HCN1: variants seen among roughly 807,000 people sequenced by gnomAD.
HCN1 encodes hyperpolarization activated cyclic nucleotide gated potassium channel 1.
In HCN1, 13 loss-of-function variants were observed where a neutral mutation model predicts 78.9. The observed-to-expected ratio is 0.16, with a 90% CI of 0.11 to 0.26. The LOEUF is 0.26. Among genes scored for constraint, HCN1 ranks in the 10% least tolerant of loss-of-function variants. The pLI is 1.00. For missense variants in HCN1, 810 were observed against 1,154.3 expected (o/e 0.70, Z 4.32); for synonymous variants, 552 against 455.5 (o/e 1.21, Z -2.70).
At chr5:45,622,037 G>A (rs758200138) in intron 2 of HCN1, among the ~76,000 whole-genome samples, 12 of 151,930 alleles carry the variant, frequency 7.9e-5, no homozygotes, top group African/African-American at 2.4e-4. Context: ...TGGCTAACAC[G>A]GTGAAACCCC....
At chr5:45,288,020 T>C (rs1343518216) in intron 6 of HCN1, among the ~76,000 whole-genome samples, 2 of 151,998 alleles carry the variant, frequency 1.3e-5, no homozygotes, top group East Asian at 3.9e-4. Flanking sequence ...ATTATTCCAG[T>C]TTTACAGGTT....
At chr5:45,467,687 C>T (rs60195886) in intron 2 of HCN1, among the ~76,000 whole-genome samples, 88 of 152,198 alleles carry the variant, frequency 5.8e-4, no homozygotes, top group African/African-American at 1.9e-3. Context: ...TCTCTTTCTA[C>T]TTCCCCAAAG....
At chr5:45,522,607 T>C (rs1579947000) in intron 2 of HCN1, among the ~76,000 whole-genome samples, 1 of 151,978 alleles carries the variant, frequency 6.6e-6, no homozygotes, top group Non-Finnish European at 1.5e-5. Context: ...CTTTTCTTTT[T>C]TTTTTTTTGT....
intron 2 of HCN1, among the ~76,000 whole-genome samples, chr5:45,537,515 CTCTAAG>C (rs1225551546): frequency 1.6e-4 from 17 of 104,220 alleles, no homozygotes; most frequent in Admixed American, 8.1e-4. Context: ...TTTAAAGCAA[CTCTAAG>C]TCTTTTTTTT....
intron 2 of HCN1, among the ~76,000 whole-genome samples, chr5:45,622,192 G>A (rs1580003778): frequency 2.0e-5 from 3 of 151,896 alleles, no homozygotes; most frequent in East Asian, 3.9e-4. Flanking sequence ...GGCGACAGAG[G>A]GAGACTTCGT....
chr5:45,361,504 G>A (rs568870094), intron 4 of HCN1, among the ~76,000 whole-genome samples: 7 of 152,278 alleles, frequency 4.6e-5, no homozygotes, highest in African/African-American at 1.7e-4. Context: ...TAGAGATGGG[G>A]TTTCACCACA....
chr5:45,495,789 TA>T (rs1184453659), intron 2 of HCN1, among the ~76,000 whole-genome samples: 1 of 152,216 alleles, frequency 6.6e-6, no homozygotes, highest in East Asian at 1.9e-4. Context: ...ATACCTAATT[TA>T]TTGAGAGTTT....
intron 2 of HCN1, among the ~76,000 whole-genome samples, chr5:45,602,552 C>G (rs1744646146): frequency 6.6e-6 from 1 of 152,078 alleles, no homozygotes; most frequent in Admixed American, 6.6e-5. Flanking sequence ...TTCTTGTAGC[C>G]TAGTAAACTA....
intron 6 of HCN1, among the ~76,000 whole-genome samples, chr5:45,275,218 C>T (rs1398118887): frequency 6.6e-6 from 1 of 151,182 alleles, no homozygotes; most frequent in Non-Finnish European, 1.5e-5. Context: ...TGCACTACAG[C>T]CTCGGTGATG....
intron 2 of HCN1, among the ~76,000 whole-genome samples, chr5:45,489,804 A>G (rs1741842672): frequency 6.6e-6 from 1 of 152,198 alleles, no homozygotes; most frequent in Admixed American, 6.5e-5. Context: ...GGTACGAAGT[A>G]GTAGGCAATG....
intron 5 of HCN1, among the ~76,000 whole-genome samples, chr5:45,315,652 T>A (rs890870135): frequency 6.6e-6 from 1 of 151,246 alleles, no homozygotes; most frequent in South Asian, 2.1e-4. Context: ...ATCAAGAAAA[T>A]TGATAGAGCA....
intron 3 of HCN1, among the ~76,000 whole-genome samples, chr5:45,441,996 G>C (rs1740688556): frequency 1.3e-5 from 2 of 152,052 alleles, no homozygotes. Context: ...CTCATGCAAA[G>C]TCTTTATTTA....
chr5:45,307,931 CT>C (rs1232096035), intron 5 of HCN1, among the ~76,000 whole-genome samples: 5 of 151,994 alleles, frequency 3.3e-5, no homozygotes, highest in Non-Finnish European at 7.4e-5. Flanking sequence ...ATTTCTGAAA[CT>C]TTTTTGCTGA....
In HCN1 at chr5:45,313,546, G is replaced by T. The variant is rs189731504; in HGVS notation, c.1378-9707C>A. Among the ~76,000 whole-genome samples the T allele has an allele frequency of 5.3e-5, 8 of 152,288 alleles. No individual in the cohort carries two copies. In the East Asian group the frequency reaches 1.4e-3, roughly 26 times the overall value. On this transcript the variant is annotated intron_variant, in intron 5 of 7. Transcript: ENST00000303230. ...GACTTCGATGAGTTGAGAGAAGAAG[G>T]CTTCAGACGATAAAACTTCTCCAAG...
chr5:45,341,334 G>A (rs1200104383), intron 5 of HCN1, among the ~76,000 whole-genome samples: 1 of 152,186 alleles, frequency 6.6e-6, no homozygotes, highest in Non-Finnish European at 1.5e-5. Context: ...CATCACAATT[G>A]CTCAGCTTTC....
intron 5 of HCN1, among the ~76,000 whole-genome samples, chr5:45,344,448 T>A (rs1467706142): frequency 6.6e-6 from 1 of 152,034 alleles, no homozygotes; most frequent in East Asian, 1.9e-4. Context: ...AACTCAAAAG[T>A]CAACAGTGCA....
At chr5:45,472,565 A>C (rs2111654416) in intron 2 of HCN1, among the ~76,000 whole-genome samples, 1 of 135,748 alleles carries the variant, frequency 7.4e-6, no homozygotes, top group Non-Finnish European at 1.6e-5. Flanking sequence ...GGAGGGAGGA[A>C]AGGAAAGAAG....
intron 2 of HCN1, among the ~76,000 whole-genome samples, chr5:45,587,950 G>T (rs1434997579): frequency 1.3e-5 from 2 of 151,996 alleles, no homozygotes; most frequent in Non-Finnish European, 2.9e-5. Context: ...TTTTATATGA[G>T]AATGCAGATA....
intron 3 of HCN1, among the ~76,000 whole-genome samples, chr5:45,406,831 G>A (rs1739934799): frequency 1.3e-5 from 2 of 152,116 alleles, no homozygotes; most frequent in Admixed American, 6.6e-5. Flanking sequence ...AAACGCTGAG[G>A]TAAAATTTCC....
Sources: gnomAD v4.1 joint callset for allele counts (sites outside exome capture counted in the v4.1 genomes callset) on GRCh38, gnomAD v4.1.1 for gene constraint, MANE v1.5 for transcripts, NCBI Gene and HGNC (gene_info 2026-07-23, HGNC 2026-07-21) for gene names.